The following PINK1 variants were observed in gnomAD, a reference collection of about 807,000 sequenced individuals.
PINK1 encodes PTEN induced kinase 1, also known as serine/threonine-protein kinase PINK1, mitochondrial.
In PINK1, 58 loss-of-function variants were observed where a neutral mutation model predicts 56.0. The ratio of observed to expected loss-of-function variants is 1.04; its 90% confidence interval spans 0.84 to 1.29. PINK1 has a LOEUF of 1.29. PINK1 is among the 50% of genes most tolerant of loss of function. The probability of loss-of-function intolerance (pLI) is 0.00; values close to 1 mark genes in which losing one functional copy is unlikely to be tolerated. For missense variants in PINK1, 745 were observed against 777.9 expected (o/e 0.96, Z 0.50); for synonymous variants, 354 against 339.3 (o/e 1.04, Z -0.48).
At chr1:20,650,115 T>C (rs1391137060) in intron 7 of PINK1, 15 of 419,752 alleles carry the variant, frequency 3.6e-5, no homozygotes, top group Admixed American at 7.1e-5. Context: ...CAACCAGTTA[T>C]GAAATGATAG....
chr1:20,634,511 G>C (rs7517909), intron 1 of PINK1, among the ~76,000 whole-genome samples: 88,683 of 152,104 alleles, frequency 0.58, 25,915 homozygotes, highest in East Asian at 0.69. Context: ...GGTTCTTAGG[G>C]TTTTTTAATG....
At chr1:20,642,607 C>CT (rs1181207032) in intron 3 of PINK1, 6 of 152,340 alleles carry the variant, frequency 3.9e-5, no homozygotes, top group African/African-American at 1.4e-4. Flanking sequence ...TCAGCCAGTT[C>CT]TTTTATCTCA....
intron 5 of PINK1, among the ~76,000 whole-genome samples, chr1:20,646,431 G>A (rs1164727941): frequency 6.6e-6 from 1 of 152,114 alleles, no homozygotes; most frequent in Non-Finnish European, 1.5e-5. Flanking sequence ...AGATCATGAG[G>A]TCAAGAGATC....
chr1:20,637,770 G>T, intron 1 of PINK1, 72 bp from the exon 2 acceptor site: 3 of 1,563,488 alleles, frequency 1.9e-6, no homozygotes, highest in Non-Finnish European at 2.6e-6. Context: ...ACCTCTCTCT[G>T]CCTCCCCTGT....
At chr1:20,648,245 CA>C (rs769122730) in intron 5 of PINK1, 2 of 519,614 alleles carry the variant, frequency 3.8e-6, no homozygotes, top group Non-Finnish European at 7.0e-6. Context: ...GGGACAGCTC[CA>C]ATTACTAGAA....
Position 20,645,811 on chromosome 1 carries a change from GGTTTTGTGTTCTAA to G in PINK1, c.1123+91_1123+104del, listed in dbSNP as rs55921814. The G allele has an allele frequency of 0.18, 280,218 of 1,531,470 alleles. 27,147 individuals are homozygous for G. Among genetic ancestry groups the G allele is most frequent in the Middle Eastern group, 0.23 (1,096 of 4,858 alleles). The allele number at this position is 1,531,470 out of a possible 1,614,324, so 94.9% of individuals were successfully genotyped here. ...AGGACTGACTCTTCAGGTCCTCTCT[GGTTTTGTGTTCTAA>G]GTCATGTCTTTATTTAGCTCCGCAC... On this transcript the variant is annotated intron_variant, in intron 5 of 7. Coordinates refer to ENST00000321556, the MANE Select transcript of PINK1 (RefSeq NM_032409.3).
In PINK1 at chr1:20,649,029, T is replaced by C. The variant is rs2053229322; in HGVS notation, c.1286T>C (p.Ile429Thr). The C allele has an allele frequency of 6.2e-7, 1 of 1,613,762 alleles. No individual in the cohort carries two copies. Among genetic ancestry groups the C allele is most frequent in the African/African-American group, 1.3e-5 (1 of 74,942 alleles). ...STARPGPRAV[I>T]DYSKADAWAV... ...GCCCGTCCTGGCCCCAGGGCAGTGA[T>C]TGACTACAGCAAGGCTGATGCCTGG... Residue 429 changes from isoleucine (I) to threonine (T), a missense_variant, in exon 7 of 8, where the codon ATT becomes ACT. Ile to Thr is a moderately conservative substitution (Grantham distance 89). Coordinates refer to ENST00000321556, the MANE Select transcript of PINK1 (RefSeq NM_032409.3).
In PINK1 at chr1:20,633,895, C is replaced by T. The variant is rs1389741334; in HGVS notation, c.347C>T (p.Ala116Val). The change falls in exon 1 of 8, where the codon GCG (alanine) becomes GTG (valine). Residue 116 changes from alanine (A) to valine (V), a missense_variant. Physicochemically the swap from Ala to Val is moderately conservative, Grantham distance 64. Coordinates refer to ENST00000321556, the MANE Select transcript of PINK1 (RefSeq NM_032409.3). Reference sequence around the variant, plus strand: ...CTGGGCCTCATCGAGGAAAAACAGGCGGAGAGCCGGCGGGCGGTCTCGGCC... The same window carrying T: ...CTGGGCCTCATCGAGGAAAAACAGGTGGAGAGCCGGCGGGCGGTCTCGGCC... ...LGLGLIEEKQAESRRAVSACQ... is the reference protein window; with the variant it reads ...LGLGLIEEKQVESRRAVSACQ... 1.9e-6 allele frequency: 3 copies of T among 1,583,414 alleles called. No individual in the cohort carries two copies. The highest frequency in any genetic ancestry group is 1.8e-5 in the Admixed American group (1 of 56,038).
intron 6 of PINK1, 163 bp from the exon 7 acceptor site, chr1:20,648,832 C>A: frequency 8.0e-7 from 1 of 1,244,190 alleles, no homozygotes; most frequent in Middle Eastern, 2.7e-4. Flanking sequence ...TCACATAAAC[C>A]AGGTGGTCTA....
At chr1:20,642,175 C>T (rs983396367) in intron 3 of PINK1, among the ~76,000 whole-genome samples, 27 of 152,348 alleles carry the variant, frequency 1.8e-4, no homozygotes, top group Admixed American at 1.4e-3. Context: ...TCCCCAGCAC[C>T]GTCTAGGCTC....
chr1:20,636,858 G>A (rs2154533604), intron 1 of PINK1, among the ~76,000 whole-genome samples: 1 of 152,328 alleles, frequency 6.6e-6, no homozygotes, highest in South Asian at 2.1e-4. Flanking sequence ...GAAGGATGCT[G>A]TGAGCAGCTT....
chr1:20,640,209 A>G (rs1006472637), intron 3 of PINK1, among the ~76,000 whole-genome samples: 1 of 152,192 alleles, frequency 6.6e-6, no homozygotes, highest in Non-Finnish European at 1.5e-5. Context: ...TTCACATTGG[A>G]GCAGGGGAGA....
At position 20,644,615 on chromosome 1, in the gene PINK1, C is replaced by T. The variant is rs570833319; in HGVS notation, c.902C>T (p.Ser301Leu). The T allele has an allele frequency of 5.6e-6, 9 of 1,614,218 alleles. No homozygotes were observed. In the South Asian group the frequency reaches 9.9e-5, roughly 18 times the overall value. Reference protein sequence around the residue: ...ALVDYPDVLPSRLHPEGLGHG... With the variant: ...ALVDYPDVLPLRLHPEGLGHG... ...GTCGACTACCCTGATGTGCTGCCCT[C>T]ACGCCTCCACCCTGAAGGCCTGGGC... The change falls in exon 4 of 8, where the codon TCA (serine) becomes TTA (leucine). Residue 301 changes from serine to leucine, a missense_variant. Ser to Leu is a moderately radical substitution (Grantham distance 145). Coordinates refer to ENST00000321556, the MANE Select transcript of PINK1 (RefSeq NM_032409.3).
chr1:20,633,656 G>GGCGGCGGGCTGTGTCC lies in PINK1; in HGVS notation c.113_128dup (p.Glu44GlyfsTer27). 3.0e-6 allele frequency: 4 copies of GGCGGCGGGCTGTGTCC among 1,336,088 alleles called. No individual in the cohort carries two copies. Among genetic ancestry groups the GGCGGCGGGCTGTGTCC allele is most frequent in the Non-Finnish European group, 3.8e-6 (4 of 1,052,930 alleles). 82.8% of individuals were successfully genotyped at this position (1,336,088 alleles called of 1,614,324 possible). A position where few individuals can be genotyped will look rare whatever the true frequency, so the allele number is the denominator to read the frequency against. Reference sequence around the variant, plus strand: ...CCTACGGCTTGGGGCGGCCGGGCCCGGCGGCGGGCTGTGTCCGCGGGGAGC... The same window carrying GGCGGCGGGCTGTGTCC: ...CCTACGGCTTGGGGCGGCCGGGCCCGGCGGCGGGCTGTGTCCGCGGCGGGCTGTGTCCGCGGGGAGC... On this transcript the variant is annotated frameshift_variant, in exon 1 of 8. Coordinates refer to ENST00000321556, the MANE Select transcript of PINK1 (RefSeq NM_032409.3). LOFTEE classifies it high-confidence loss of function.
chr1:20,650,379 TGG>T, intron 7 of PINK1, 53 bp from the exon 8 acceptor site: 2 of 1,608,990 alleles, frequency 1.2e-6, no homozygotes, highest in Non-Finnish European at 1.7e-6. Context: ...AAGCAGGCTT[TGG>T]GTTGAGACTG....
At chr1:20,638,256 T>C (rs2053077958) in intron 2 of PINK1, 127 bp downstream of exon 2, 2 of 1,118,884 alleles carry the variant, frequency 1.8e-6, no homozygotes, top group Admixed American at 4.6e-5. Flanking sequence ...GGTGCCTGTA[T>C]AGTCAGGTTA....
Position 20,648,621 on chromosome 1 carries a change from A to C in PINK1, c.1240A>C (p.Met414Leu). 6.2e-7 allele frequency: 1 copy of C among 1,613,918 alleles called. No homozygotes were observed. The highest frequency in any genetic ancestry group is 8.5e-7 in the Non-Finnish European group (1 of 1,180,034). ...YVDRGGNGCL[M>L]APEVSTARPG... ...GGATCGGGGCGGAAACGGCTGTCTG[A>C]TGGCCCCAGAGGTGAGTCCCGAGTG... Residue 414 changes from methionine to leucine, a missense_variant, in exon 6 of 8, where the codon ATG becomes CTG. Transcript: ENST00000321556.
rs772448788 is a variant in PINK1, at chr1:20,633,828, G to A, written c.280G>A (p.Gly94Ser). Residue 94 changes from glycine (G) to serine (S), a missense_variant, in exon 1 of 8, where the codon GGC (glycine) becomes AGC (serine). Coordinates refer to ENST00000321556, the MANE Select transcript of PINK1 (RefSeq NM_032409.3). ...QFVVRAWGCA[G>S]PCGRAVFLAF... Reference sequence around the variant, plus strand: ...CGTGGTGCGGGCCTGGGGCTGCGCGGGCCCTTGCGGCCGGGCAGTCTTTCT... The same window carrying A: ...CGTGGTGCGGGCCTGGGGCTGCGCGAGCCCTTGCGGCCGGGCAGTCTTTCT... 7 of 1,577,140 alleles carry A rather than the reference G, an allele frequency of 4.4e-6. No homozygotes were observed. Among genetic ancestry groups the A allele is most frequent in the South Asian group, 2.3e-5 (2 of 86,836 alleles).
rs928992689 is a variant in PINK1 at position 20,645,440 on chromosome 1, G to C, written c.960-120G>C. 36 of 1,185,724 alleles carry C rather than the reference G, an allele frequency of 3.0e-5. No homozygotes were observed. The Admixed American group carries it at 3.2e-4, about 11-fold the overall frequency. 73.5% of individuals were successfully genotyped at this position (1,185,724 alleles called of 1,614,324 possible). ...GAAGGTGGAGGTTGCAGTGAGCCAA[G>C]ATCGTGCTACTGCACTCCAGCTTGG... is the stretch of plus-strand genomic sequence containing the variant. On this transcript the variant is annotated intron_variant, in intron 4 of 7. Coordinates refer to ENST00000321556, the MANE Select transcript of PINK1 (RefSeq NM_032409.3).
Sources: gnomAD v4.1 joint callset for allele counts (sites outside exome capture counted in the v4.1 genomes callset) on GRCh38, gnomAD v4.1.1 for gene constraint, MANE v1.5 for transcripts, NCBI Gene and HGNC (gene_info 2026-07-23, HGNC 2026-07-21) for gene names.